Variants in ZMYND11 observed in about 807,000 individuals in gnomAD.
ZMYND11 encodes zinc finger MYND domain-containing protein 11.
In ZMYND11, 9 loss-of-function variants were observed where a neutral mutation model predicts 84.9. The ratio of observed to expected loss-of-function variants is 0.11; its 90% confidence interval spans 0.06 to 0.18. ZMYND11 has a LOEUF of 0.18. Ranked by LOEUF, ZMYND11 falls within the 10% of genes least tolerant of loss-of-function variation. The probability of loss-of-function intolerance (pLI) is 1.00; values close to 1 mark genes in which losing one functional copy is unlikely to be tolerated. For synonymous variants in ZMYND11, 250 were observed against 244.1 expected (o/e 1.02, Z -0.23); for missense variants, 409 against 761.0 (o/e 0.54, Z 5.44).
At chr10:228,523 T>C (rs1269801138) in intron 4 of ZMYND11, among the ~76,000 whole-genome samples, 1 of 152,228 alleles carries the variant, frequency 6.6e-6, no homozygotes, top group African/African-American at 2.4e-5. Context: ...TTGTGCTACC[T>C]CTGCAGTGCA....
chr10:208,296 TG>T (rs1278964941), intron 2 of ZMYND11, among the ~76,000 whole-genome samples: 1 of 151,998 alleles, frequency 6.6e-6, no homozygotes, highest in East Asian at 1.9e-4. Flanking sequence ...AATTGACAAA[TG>T]GGATCTAATT....
At chr10:167,089 A>C (rs1174862850) in intron 1 of ZMYND11, among the ~76,000 whole-genome samples, 1 of 152,138 alleles carries the variant, frequency 6.6e-6, no homozygotes, top group Non-Finnish European at 1.5e-5. Context: ...TTGGAAGAGC[A>C]GAGAATGGGG....
chr10:213,061 A>G (rs1279243758), intron 3 of ZMYND11, among the ~76,000 whole-genome samples: 2 of 152,146 alleles, frequency 1.3e-5, no homozygotes, highest in African/African-American at 4.8e-5. Flanking sequence ...GGCACAGCAC[A>G]TGCATCTCGT....
intron 4 of ZMYND11, among the ~76,000 whole-genome samples, chr10:225,452 C>G (rs1342911566): frequency 6.6e-6 from 1 of 152,142 alleles, no homozygotes; most frequent in Non-Finnish European, 1.5e-5. Context: ...CTGGGCCAGC[C>G]TCCTCCTGCC....
intron 1 of ZMYND11, among the ~76,000 whole-genome samples, chr10:137,539 A>G (rs1203109696): frequency 6.6e-6 from 1 of 152,204 alleles, no homozygotes; most frequent in Non-Finnish European, 1.5e-5. Flanking sequence ...GGTGTGCACA[A>G]CGTTTTCAGA....
chr10:179,502 A>C (rs1847381372), intron 1 of ZMYND11, among the ~76,000 whole-genome samples: 1 of 152,142 alleles, frequency 6.6e-6, no homozygotes, highest in African/African-American at 2.4e-5. Flanking sequence ...TCTTATATTT[A>C]ATGTTCATGG....
chr10:160,949 C>CTTTT (rs57227207), intron 1 of ZMYND11, among the ~76,000 whole-genome samples: 1 of 102,260 alleles, frequency 9.8e-6, no homozygotes, highest in African/African-American at 3.9e-5. Flanking sequence ...AAATTACTTA[C>CTTTT]TTTTTTTTTT....
intron 1 of ZMYND11, among the ~76,000 whole-genome samples, chr10:159,270 T>TG (rs1475472559): frequency 2.6e-5 from 4 of 152,062 alleles, no homozygotes; most frequent in Non-Finnish European, 5.9e-5. Flanking sequence ...GTGAGATTGG[T>TG]GGGTCAAAGA....
At chr10:201,776 A>C (rs1943218427) in intron 2 of ZMYND11, among the ~76,000 whole-genome samples, 1 of 152,100 alleles carries the variant, frequency 6.6e-6, no homozygotes, top group Non-Finnish European at 1.5e-5. Flanking sequence ...GTGGGAATGC[A>C]GTGGGGTGCG....
intron 3 of ZMYND11, among the ~76,000 whole-genome samples, chr10:214,094 G>A (rs1010651718): frequency 6.6e-6 from 1 of 152,048 alleles, no homozygotes. Flanking sequence ...GGCATTTTGG[G>A]ATGCTGATCT....
chr10:187,594 A>G (rs1456273206), intron 2 of ZMYND11, among the ~76,000 whole-genome samples: 1 of 151,204 alleles, frequency 6.6e-6, no homozygotes, highest in Non-Finnish European at 1.5e-5. Context: ...AGATTGCGCC[A>G]CTGCAATCCG....
rs1422238204 is a variant in ZMYND11, at chr10:252,078, A to C, written c.1687-270A>C. ...GTGAAGTCAAGAGCATTTTAAGAAA[A>C]GAAACGGGAATGACTCTCACAGAGA... On this transcript the variant is annotated intron_variant, in intron 14 of 14. Transcript: ENST00000381604. The surrounding 1 kb of genome is among the most constrained non-coding windows in gnomAD (Gnocchi z 4.6). 2.0e-5 allele frequency among the ~76,000 whole-genome samples: 3 copies of C among 152,194 alleles called. No homozygotes were observed. The highest frequency in any genetic ancestry group is 2.9e-5 in the Non-Finnish European group (2 of 68,036).
chr10:231,051 T>TA (rs1470852936), intron 4 of ZMYND11, among the ~76,000 whole-genome samples: 1 of 152,230 alleles, frequency 6.6e-6, no homozygotes, highest in East Asian at 1.9e-4. Context: ...ATGAAAATTA[T>TA]AAAAAATTCA....
At chr10:237,727 C>G (rs1950217875) in intron 6 of ZMYND11, 50 bp downstream of exon 6, 1 of 1,414,104 alleles carries the variant, frequency 7.1e-7, no homozygotes, top group Non-Finnish European at 9.8e-7. Flanking sequence ...TCTTAACTAA[C>G]AAGTTAAAGA....
intron 3 of ZMYND11, among the ~76,000 whole-genome samples, chr10:219,777 A>G (rs1946808709): frequency 1.3e-5 from 2 of 152,214 alleles, no homozygotes; most frequent in African/African-American, 4.8e-5. Flanking sequence ...TGAAATTACC[A>G]TACCAAAGGA....
intron 14 of ZMYND11, among the ~76,000 whole-genome samples, chr10:251,004 C>T (rs1290274657): frequency 1.3e-5 from 2 of 152,194 alleles, no homozygotes; most frequent in African/African-American, 4.8e-5. Context: ...GCCTGGGCGA[C>T]AGAGCGAGAC....
intron 2 of ZMYND11, among the ~76,000 whole-genome samples, chr10:192,104 A>G (rs529109733): frequency 6.6e-6 from 1 of 152,360 alleles, no homozygotes; most frequent in African/African-American, 2.4e-5. Context: ...GTTGCAGAAC[A>G]GATCTGTGTG....
rs993700039 is a variant in ZMYND11 at position 184,986 on chromosome 10, C to T, written c.116+4858C>T. Among the ~76,000 whole-genome samples the T allele has an allele frequency of 2.0e-5, 3 of 151,990 alleles. No homozygotes were observed. In the South Asian group the frequency reaches 6.2e-4, roughly 32 times the overall value. On this transcript the variant is annotated intron_variant, in intron 2 of 14. Transcript: ENST00000381604. ...GTTGTTACTTTTATTCGTAGCCTTT[C>T]TCTGTAATACCGGGCTTTGTCCTGG...
intron 2 of ZMYND11, among the ~76,000 whole-genome samples, chr10:195,265 G>A (rs192547968): frequency 6.6e-6 from 1 of 152,274 alleles, no homozygotes; most frequent in Non-Finnish European, 1.5e-5. Flanking sequence ...AGTTCTCAGT[G>A]GCTAACGTCA....
Sources: gnomAD v4.1 joint callset for allele counts (sites outside exome capture counted in the v4.1 genomes callset) on GRCh38, gnomAD v4.1.1 for gene constraint, Gnocchi (gnomAD v3.1) non-coding constraint, MANE v1.5 for transcripts, NCBI Gene and HGNC (gene_info 2026-07-23, HGNC 2026-07-21) for gene names.